Variants in TTLL4 observed in about 807,000 individuals in gnomAD.
The protein encoded by TTLL4 is tubulin monoglutamylase TTLL4.
In TTLL4, 85 loss-of-function variants were observed where a neutral mutation model predicts 122.7. The observed-to-expected ratio is 0.69, with a 90% CI of 0.58 to 0.83. TTLL4 has a LOEUF of 0.83. Among genes scored for constraint, TTLL4 ranks in the 40% least tolerant of loss-of-function variants. TTLL4 has a pLI of 0.00. For synonymous variants in TTLL4, 553 were observed against 563.0 expected (o/e 0.98, Z 0.25); for missense variants, 1,363 against 1,488.6 (o/e 0.92, Z 1.39).
At chr2:218,730,309 TCCAAAAAAAAAAAAAAAAAAAAAAAAA>T (rs1337891099) in intron 2 of TTLL4, among the ~76,000 whole-genome samples, 6 of 76,510 alleles carry the variant, frequency 7.8e-5, no homozygotes, top group Non-Finnish European at 1.5e-4. Flanking sequence ...TTACTAAAAA[TCCAAAAAAAAAAAAAAAAAAAAAAAAA>T]AAAAAAAAAA....
chr2:218,753,189 A>C lies in TTLL4; in HGVS notation c.3258+4A>C. ...TGTCTCTGATTCTGCTCCAGTGGTG[A>C]GTGCTGCCAGTGTGGAGGACAGCTC... On this transcript the variant is annotated splice_donor_region_variant and intron_variant, in intron 18 of 19. Transcript: ENST00000392102. 1 of 1,614,110 alleles carries C rather than the reference A, an allele frequency of 6.2e-7. No individual in the cohort carries two copies. Among genetic ancestry groups the C allele is most frequent in the Non-Finnish European group, 8.5e-7 (1 of 1,180,016 alleles).
intron 2 of TTLL4, 81 bp downstream of exon 2, chr2:218,727,428 A>G (rs571679938): frequency 6.6e-6 from 1 of 152,110 alleles, no homozygotes; most frequent in Non-Finnish European, 1.5e-5. Context: ...TCTCTGATAA[A>G]TTTCTGAATT....
At position 218,751,640 on chromosome 2, in the gene TTLL4, A is replaced by G. The variant is rs570154764; in HGVS notation, c.2874-64A>G. 12 of 1,582,228 alleles carry G rather than the reference A, an allele frequency of 7.6e-6. No homozygotes were observed. In the South Asian group the frequency reaches 9.2e-5, roughly 12 times the overall value. ...GTGTCTGCTGGGCTGGACCTCCTCC[A>G]TATTTCCTCCAAATAAGAAGCTGCT... On this transcript the variant is annotated intron_variant, in intron 15 of 19. Transcript: ENST00000392102.
chr2:218,716,986 C>G (rs1941879903), intron 1 of TTLL4, among the ~76,000 whole-genome samples: 1 of 151,986 alleles, frequency 6.6e-6, no homozygotes, highest in Non-Finnish European at 1.5e-5. Context: ...CAAATAACAT[C>G]TTAGGTTTTT....
At chr2:218,716,163 T>C (rs1941851668) in intron 1 of TTLL4, among the ~76,000 whole-genome samples, 1 of 152,226 alleles carries the variant, frequency 6.6e-6, no homozygotes, top group South Asian at 2.1e-4. Context: ...TTTGCCAAAA[T>C]TCTAATTTTC....
At position 218,738,449 on chromosome 2, in the gene TTLL4, C is replaced by T. The variant is rs773976356; in HGVS notation, c.773C>T (p.Thr258Ile). 1 of 1,614,224 alleles carries T rather than the reference C, an allele frequency of 6.2e-7. No individual in the cohort carries two copies. The highest frequency in any genetic ancestry group is 1.1e-5 in the South Asian group (1 of 91,086). The change falls in exon 3 of 20, where the codon ACT becomes ATT. Residue 258 changes from threonine (T) to isoleucine (I), a missense_variant. Thr to Ile is a moderately conservative substitution (Grantham distance 89). This residue lies in a region of TTLL4 where 760 missense variants were observed against 808.4 expected (regional missense o/e 0.94). Transcript: ENST00000392102. ...QPVSWHHSGG[T>I]GDCAPQPVDH... ...GTCTCCTGGCATCATTCAGGGGGTA[C>T]TGGAGACTGTGCACCGCAGCCTGTT...
chr2:218,749,860 C>T lies in TTLL4; in HGVS notation c.2736-149C>T, dbSNP rs929943403. The T allele has an allele frequency of 1.7e-5, 19 of 1,086,526 alleles. 1 individual carries two copies. The highest frequency in any genetic ancestry group is 2.4e-5 in the Non-Finnish European group (18 of 754,532). 67.3% of individuals were successfully genotyped at this position (1,086,526 alleles called of 1,614,324 possible). On this transcript the variant is annotated intron_variant, in intron 14 of 19. Transcript: ENST00000392102. Reference sequence around the variant, plus strand: ...TTCACCGTCTTTGGGGCAAGAGAGTCTTGTGATGGTGATCCTGCATGGGGA... The same window carrying T: ...TTCACCGTCTTTGGGGCAAGAGAGTTTTGTGATGGTGATCCTGCATGGGGA...
chr2:218,723,964 A>G (rs1447416337), intron 1 of TTLL4, among the ~76,000 whole-genome samples: 1 of 152,182 alleles, frequency 6.6e-6, no homozygotes. Context: ...TATCAATGCT[A>G]ATTTTTTGAA....
At chr2:218,731,256 C>A (rs1478019586) in intron 2 of TTLL4, among the ~76,000 whole-genome samples, 1 of 151,952 alleles carries the variant, frequency 6.6e-6, no homozygotes, top group Non-Finnish European at 1.5e-5. Context: ...ACTAAAAATA[C>A]AAAAATTAGC....
In TTLL4 at chr2:218,712,165, G is replaced by A. The variant is rs552059288; in HGVS notation, c.-178+1128G>A. 2.6e-5 allele frequency among the ~76,000 whole-genome samples: 4 copies of A among 152,296 alleles called. No individual in the cohort carries two copies. In the South Asian group the frequency reaches 8.3e-4, roughly 32 times the overall value. On this transcript the variant is annotated intron_variant, in intron 1 of 19. Transcript: ENST00000392102. ...AAAGAGAACTGGAAACAGTTTGACA[G>A]ACCTGGGCTAGATTTGGAGGGAGCC...
chr2:218,753,679 G>C lies in TTLL4; in HGVS notation c.3344+10G>C. On this transcript the variant is annotated intron_variant, in intron 19 of 19. Transcript: ENST00000392102. ...AGACTAGCAAGCTGGGGTGAGTGCT[G>C]CCTGGGCAAGGGAGGGGCTGCTGGC... 6.2e-7 allele frequency: 1 copy of C among 1,613,944 alleles called. No homozygotes were observed. The highest frequency in any genetic ancestry group is 1.1e-5 in the South Asian group (1 of 91,078).
intron 13 of TTLL4, 49 bp downstream of exon 13, chr2:218,748,983 C>G (rs1209473710): frequency 1.3e-6 from 2 of 1,576,316 alleles, no homozygotes; most frequent in African/African-American, 2.7e-5. Flanking sequence ...TGACCCCCTC[C>G]TTTCTCCTGG....
chr2:218,759,331 C>T (rs1575189966), downstream of TTLL4, among the ~76,000 whole-genome samples: 1 of 152,204 alleles, frequency 6.6e-6, no homozygotes, highest in East Asian at 1.9e-4. Flanking sequence ...AGGAGGATCA[C>T]TTGAGCCCAG....
chr2:218,748,217 G>GGCCA lies in TTLL4; in HGVS notation c.2492_2495dup (p.His832GlnfsTer20). 1.2e-6 allele frequency: 2 copies of GGCCA among 1,614,118 alleles called. No individual in the cohort carries two copies. The highest frequency in any genetic ancestry group is 1.7e-6 in the Non-Finnish European group (2 of 1,179,998). On this transcript the variant is annotated frameshift_variant, in exon 12 of 20. Transcript: ENST00000392102. LOFTEE classifies it high-confidence loss of function. Reference sequence around the variant, plus strand: ...CAATGCAGATGAAATGGCTTGCCAGGGCCACAAATGGTACTGAGGGCAGAG... The same window carrying GGCCA: ...CAATGCAGATGAAATGGCTTGCCAGGGCCAGCCACAAATGGTACTGAGGGCAGAG...
Position 218,738,593 on chromosome 2 carries a change from A to G in TTLL4, c.917A>G (p.Asn306Ser), listed in dbSNP as rs1942605384. The change falls in exon 3 of 20, where the codon AAC becomes AGC. Residue 306 changes from asparagine (N) to serine (S), a missense_variant. This residue lies in a region of TTLL4 where 760 missense variants were observed against 808.4 expected (regional missense o/e 0.94). Transcript: ENST00000392102. ...ACCAGTGTTGCCTCTTCCTGGTATA[A>G]CCGGAATAACTTAGCCATGAGGGCA... The part of the protein sequence containing the change: ...STTSVASSWY[N>S]RNNLAMRAEP... 6.2e-7 allele frequency: 1 copy of G among 1,614,174 alleles called. No homozygotes were observed. Among genetic ancestry groups the G allele is most frequent in the African/African-American group, 1.3e-5 (1 of 75,044 alleles).
At chr2:218,748,997 T>C in intron 13 of TTLL4, 63 bp downstream of exon 13, 1 of 1,541,092 alleles carries the variant, frequency 6.5e-7, no homozygotes, top group Non-Finnish European at 8.9e-7. Flanking sequence ...CTCCTGGGCC[T>C]CACACTGCTG....
chr2:218,748,511 TG>T, intron 12 of TTLL4: 1 of 453,768 alleles, frequency 2.2e-6, no homozygotes, highest in Non-Finnish European at 3.9e-6. Context: ...AAAAATTAGC[TG>T]GGTGTGGTGG....
chr2:218,721,552 C>G (rs1380796454), intron 1 of TTLL4, among the ~76,000 whole-genome samples: 1 of 152,146 alleles, frequency 6.6e-6, no homozygotes, highest in Non-Finnish European at 1.5e-5. Flanking sequence ...GCCTCTGGAG[C>G]ATTCCTTGGT....
rs756353074 is a variant in TTLL4, at chr2:218,740,047, CT to C, written c.1488-8del. ...AGTTGACTAGGCTGGGGGCATGATT[CT>C]TTCTTTTAGTTCAGCTACTGACCTC... On this transcript the variant is annotated splice_polypyrimidine_tract_variant and intron_variant, in intron 3 of 19. Coordinates refer to ENST00000392102, the MANE Select transcript of TTLL4 (RefSeq NM_014640.5). 56 of 1,613,084 alleles carry C rather than the reference CT, an allele frequency of 3.5e-5. No homozygotes were observed. Among genetic ancestry groups the C allele is most frequent in the Non-Finnish European group, 4.4e-5 (52 of 1,179,360 alleles).
Sources: allele counts gnomAD v4.1 joint callset (sites outside exome capture counted in the v4.1 genomes callset), GRCh38; gene constraint gnomAD v4.1.1; regional missense constraint gnomAD v4.1.1; transcripts MANE v1.5; gene names NCBI Gene and HGNC (gene_info 2026-07-23, HGNC 2026-07-21).